Variants in CDH23 observed in about 807,000 individuals in gnomAD.
CDH23 encodes the protein cadherin related 23.
A neutral mutation model predicts 317.1 loss-of-function variants in CDH23; 189 were observed. That is an observed-to-expected ratio of 0.60 (90% CI 0.53 to 0.67). The LOEUF (loss-of-function observed/expected upper bound fraction) is 0.67, where lower values mean the gene tolerates loss of function less well. Ranked by LOEUF, CDH23 falls within the 30% of genes least tolerant of loss-of-function variation. The pLI is 0.00. For synonymous variants in CDH23, 1,839 were observed against 1,876.8 expected, an observed-to-expected ratio of 0.98 and a Z score of 0.52; for missense variants, 4,401 against 4,592.4, an observed-to-expected ratio of 0.96 and a Z score of 1.20.
intron 3 of CDH23, among the ~76,000 whole-genome samples, chr10:71,466,334 ATGTG>A (rs1209072641): frequency 6.6e-6 from 1 of 151,920 alleles, no homozygotes. Context: ...ATGAGCATGC[ATGTG>A]TGTATGTACC....
intron 43 of CDH23, 100 bp downstream of exon 43, chr10:71,785,200 G>C: frequency 1.0e-6 from 1 of 970,276 alleles, no homozygotes; most frequent in Non-Finnish European, 1.5e-6. Context: ...GGGCTCCACC[G>C]GGCTCCCGTT....
intron 36 of CDH23, 29 bp from the exon 37 acceptor site, chr10:71,740,793 C>T: frequency 6.2e-7 from 1 of 1,613,348 alleles, no homozygotes; most frequent in Non-Finnish European, 8.5e-7. Flanking sequence ...ACGCTTTAGC[C>T]CTGACTCCAG....
chr10:71,672,157 G>A (rs867266136), intron 14 of CDH23, among the ~76,000 whole-genome samples: 3 of 152,122 alleles, frequency 2.0e-5, no homozygotes, highest in African/African-American at 7.2e-5. Context: ...GGGTCAGGGA[G>A]GGCAGAAGGG....
In CDH23 at chr10:71,785,667, G is replaced by T; in HGVS notation, c.5749G>T (p.Glu1917Ter). The T allele has an allele frequency of 6.2e-7, 1 of 1,607,716 alleles. No individual in the cohort carries two copies. The change falls in exon 44 of 70, where the codon GAG (glutamate) becomes TAG (stop). Residue 1917 changes from glutamate (E) to a stop codon, truncating the protein, a stop_gained. Coordinates refer to ENST00000224721, the MANE Select transcript of CDH23 (RefSeq NM_022124.6). LOFTEE classifies it high-confidence loss of function. The stretch of plus-strand genomic sequence containing the variant: ...CACTGTGAACCGGCCCCTGGACCGC[G>T]AGCGGATCCCAGAGTACAAGCTGAC... ...IVTVNRPLDR[E>*]RIPEYKLTIS...
intron 15 of CDH23, 63 bp from the exon 16 acceptor site, chr10:71,677,393 C>A: frequency 7.5e-7 from 1 of 1,332,732 alleles, no homozygotes; most frequent in Non-Finnish European, 1.0e-6. Context: ...AAATGCCGGC[C>A]CCATCAACAA....
intron 9 of CDH23, among the ~76,000 whole-genome samples, chr10:71,578,509 A>C (rs1230107357): frequency 6.6e-6 from 1 of 152,154 alleles, no homozygotes; most frequent in Non-Finnish European, 1.5e-5. Context: ...GGGGAACATC[A>C]GCCCCCTTGC....
intron 30 of CDH23, among the ~76,000 whole-genome samples, chr10:71,728,041 C>T (rs1371944694): frequency 6.6e-6 from 1 of 152,142 alleles, no homozygotes; most frequent in Non-Finnish European, 1.5e-5. Context: ...ATTGTACTGT[C>T]AGCCTGGCCC....
intron 28 of CDH23, chr10:71,715,230 C>G (rs1448218936): frequency 6.6e-6 from 1 of 152,328 alleles, no homozygotes; most frequent in Non-Finnish European, 1.5e-5. Flanking sequence ...AAGGGAGCCT[C>G]CTCGATCATC....
rs562041920 is a variant in CDH23, at chr10:71,751,354, G to A, written c.4845+9433G>A. On this transcript the variant is annotated intron_variant, in intron 38 of 69. Transcript: ENST00000224721. The surrounding 1 kb of genome is among the most constrained non-coding windows in gnomAD (Gnocchi z 4.9). ...TGCCCCTCACCCTCAACCCCACCCC[G>A]TGAGGCCGTGGAACTCTTCAGGGAG... 31 of 1,515,982 alleles carry A rather than the reference G, an allele frequency of 2.0e-5. No individual in the cohort carries two copies. In the East Asian group the frequency reaches 2.2e-4, roughly 11 times the overall value. The allele number at this position is 1,515,982 out of a possible 1,614,324, so 93.9% of individuals were successfully genotyped here. A position where few individuals can be genotyped will look rare whatever the true frequency, so the allele number is the denominator to read the frequency against.
chr10:71,803,332 C>G lies in CDH23; in HGVS notation c.7784C>G (p.Thr2595Ser). 6.3e-7 allele frequency: 1 copy of G among 1,596,008 alleles called. No individual in the cohort carries two copies. Among genetic ancestry groups the G allele is most frequent in the Non-Finnish European group, 8.5e-7 (1 of 1,171,550 alleles). The change falls in exon 55 of 70, where the codon ACC (threonine) becomes AGC (serine). Residue 2595 changes from threonine to serine, a missense_variant. Thr to Ser is a moderately conservative substitution (Grantham distance 58). Around this residue, in one of 3 missense-constraint regions of CDH23, gnomAD observed 1,144 missense variants for 1,138.2 expected, o/e 1.01. Coordinates refer to ENST00000224721, the MANE Select transcript of CDH23 (RefSeq NM_022124.6). ...DGGEPPLWGT[T>S]MLLVEVIDVN... ...GGAGAGCCCCCACTCTGGGGCACCA[C>G]CATGCTCCTGGTGGAGGTCATCGAC...
chr10:71,540,559 G>T (rs1855931894), intron 6 of CDH23, among the ~76,000 whole-genome samples: 1 of 152,102 alleles, frequency 6.6e-6, no homozygotes, highest in Admixed American at 6.5e-5. Flanking sequence ...AAGACCCCCT[G>T]CTTATTCCCC....
chr10:71,443,344 G>A (rs1207309914), intron 2 of CDH23, among the ~76,000 whole-genome samples: 4 of 152,144 alleles, frequency 2.6e-5, no homozygotes, highest in South Asian at 2.1e-4. Flanking sequence ...CAAGCACACC[G>A]ACGTCCCTTC....
intron 9 of CDH23, among the ~76,000 whole-genome samples, chr10:71,611,718 G>A (rs1043192427): frequency 1.3e-5 from 2 of 152,172 alleles, no homozygotes; most frequent in Non-Finnish European, 2.9e-5. Flanking sequence ...TCCAGAGGGT[G>A]TAATCTTAAC....
chr10:71,769,760 T>C lies in CDH23; in HGVS notation c.4846-7920T>C, dbSNP rs558525527. Among the ~76,000 whole-genome samples the C allele has an allele frequency of 7.2e-5, 11 of 152,324 alleles. No homozygotes were observed. In the South Asian group the frequency reaches 2.3e-3, roughly 32 times the overall value. On this transcript the variant is annotated intron_variant, in intron 38 of 69. Transcript: ENST00000224721. Reference sequence around the variant, plus strand: ...ACGCAGAAAGGCTAAAGGAATGGGCTTGCTTGGCTTGGTAAGTAGCAGAGC... The same window carrying C: ...ACGCAGAAAGGCTAAAGGAATGGGCCTGCTTGGCTTGGTAAGTAGCAGAGC...
At chr10:71,623,661 G>T (rs570821781) in intron 11 of CDH23, among the ~76,000 whole-genome samples, 1 of 152,340 alleles carries the variant, frequency 6.6e-6, no homozygotes, top group African/African-American at 2.4e-5. Flanking sequence ...TCCAGTGTCT[G>T]ACGGTTTAGC....
At chr10:71,554,036 AT>A (rs1324805255) in intron 6 of CDH23, among the ~76,000 whole-genome samples, 1 of 152,218 alleles carries the variant, frequency 6.6e-6, no homozygotes, top group Admixed American at 6.5e-5. Flanking sequence ...GTCTATACAC[AT>A]TTCCACCTTA....
At chr10:71,505,706 G>C (rs1283913649) in intron 3 of CDH23, among the ~76,000 whole-genome samples, 1 of 152,176 alleles carries the variant, frequency 6.6e-6, no homozygotes, top group East Asian at 1.9e-4. Flanking sequence ...TATCATAAGA[G>C]GGCATTCCAG....
In CDH23 at chr10:71,800,753, C is replaced by G; in HGVS notation, c.7480C>G (p.Gln2494Glu). 6.2e-7 allele frequency: 1 copy of G among 1,613,646 alleles called. No homozygotes were observed. Among genetic ancestry groups the G allele is most frequent in the Non-Finnish European group, 8.5e-7 (1 of 1,179,742 alleles). The change falls in exon 53 of 70, where the codon CAG becomes GAG. Residue 2494 changes from glutamine to glutamate, a missense_variant and splice_region_variant. By Grantham distance (29) the Gln-to-Glu change is conservative. Transcript: ENST00000224721. ...VASNRRENSV[Q>E]VVIQVLDVND... ...CAGCAACCGTCGCGAAAATTCAGTG[C>G]AGGTGAGGGGTGCCAACCTGGGCCA...
intron 11 of CDH23, among the ~76,000 whole-genome samples, chr10:71,627,636 C>T (rs557552568): frequency 2.0e-5 from 3 of 152,316 alleles, no homozygotes; most frequent in South Asian, 4.1e-4. Flanking sequence ...CTCCTCCACA[C>T]GCCGGTTCCC....
Sources: gnomAD v4.1 joint callset for allele counts (sites outside exome capture counted in the v4.1 genomes callset) on GRCh38, gnomAD v4.1.1 for gene constraint, gnomAD v4.1.1 regional missense constraint, Gnocchi (gnomAD v3.1) non-coding constraint, MANE v1.5 for transcripts, NCBI Gene and HGNC (gene_info 2026-07-23, HGNC 2026-07-21) for gene names.